The following ATP11A variants were observed in gnomAD, a reference collection of about 807,000 sequenced individuals.
The protein encoded by ATP11A is phospholipid-transporting ATPase IH.
In ATP11A, 81 loss-of-function variants were observed where a neutral mutation model predicts 154.4. The observed-to-expected ratio is 0.52, with a 90% confidence interval of 0.44 to 0.63. The LOEUF is 0.63. ATP11A is among the 30% of genes least tolerant of loss of function. The pLI is 0.00. For synonymous variants in ATP11A, 623 were observed against 585.9 expected, an observed-to-expected ratio of 1.06 and a Z score of -0.91; for missense variants, 1,316 against 1,474.3, an observed-to-expected ratio of 0.89 and a Z score of 1.76.
intron 1 of ATP11A, among the ~76,000 whole-genome samples, chr13:112,770,847 T>C (rs1220210588): frequency 6.6e-6 from 1 of 152,178 alleles, no homozygotes; most frequent in African/African-American, 2.4e-5. Flanking sequence ...CTTCTGACCA[T>C]CAAACAAGAA....
rs370697731 is a variant in ATP11A at position 112,831,512 on chromosome 13, C to G, written c.1359C>G (p.Ile453Met). Residue 453 changes from isoleucine to methionine, a missense_variant, in exon 13 of 30, where the codon ATC becomes ATG. Ile to Met is a conservative substitution (Grantham distance 10). Around this residue, in one of 5 missense-constraint regions of ATP11A, gnomAD observed 876 missense variants for 1,006.8 expected, o/e 0.87. Coordinates refer to ENST00000375645, the MANE Select transcript of ATP11A (RefSeq NM_015205.3). The stretch of plus-strand genomic sequence containing the variant: ...AGGTCCTCCCAGAGTCGTCAGGAAT[C>G]GACATGATTGACTCGTCCCCCAGCG... ...NGQVLPESSGIDMIDSSPSVN... is the reference protein window; with the variant it reads ...NGQVLPESSGMDMIDSSPSVN... The G allele has an allele frequency of 3.1e-6, 5 of 1,614,060 alleles. No homozygotes were observed. The African/African-American group carries it at 6.7e-5, about 22-fold the overall frequency.
In ATP11A at chr13:112,690,415, C is replaced by T; in HGVS notation, c.-2C>T. 2 of 1,327,940 alleles carry T rather than the reference C, an allele frequency of 1.5e-6. No individual in the cohort carries two copies. Among genetic ancestry groups the T allele is most frequent in the Admixed American group, 3.4e-5 (1 of 29,428 alleles). The allele number at this position is 1,327,940 out of a possible 1,614,324, so 82.3% of individuals were successfully genotyped here. A position where few individuals can be genotyped will look rare whatever the true frequency, so the allele number is the denominator to read the frequency against. ...GGCGGAGCGGGAGCGGCCGGAGGAGCCATGGACTGCAGCCTCGTGCGGACG... is the reference window on the plus strand; with the variant it reads ...GGCGGAGCGGGAGCGGCCGGAGGAGTCATGGACTGCAGCCTCGTGCGGACG... On this transcript the variant is annotated 5_prime_UTR_variant, in exon 1 of 30. Coordinates refer to ENST00000375645, the MANE Select transcript of ATP11A (RefSeq NM_015205.3). The surrounding 1 kb of genome is among the most constrained non-coding windows in gnomAD (Gnocchi z 5.6).
intron 1 of ATP11A, among the ~76,000 whole-genome samples, chr13:112,718,093 A>C (rs908174582): frequency 2.0e-5 from 3 of 152,152 alleles, no homozygotes; most frequent in African/African-American, 7.2e-5. Context: ...TTAATAAATA[A>C]ATAAATGATT....
intron 29 of ATP11A, chr13:112,880,897 T>A: frequency 1.0e-6 from 1 of 1,000,270 alleles, no homozygotes; most frequent in Non-Finnish European, 1.2e-6. Flanking sequence ...GCACACAGCC[T>A]GACCAGACCC....
chr13:112,740,469 G>C (rs774115764), intron 1 of ATP11A, among the ~76,000 whole-genome samples: 1 of 152,062 alleles, frequency 6.6e-6, no homozygotes, highest in African/African-American at 2.4e-5. Flanking sequence ...CTACTGTCTC[G>C]GCCCAAATCT....
At chr13:112,864,184 A>C (rs61961583) in intron 25 of ATP11A, among the ~76,000 whole-genome samples, 87 of 55,190 alleles carry the variant, frequency 1.6e-3, no homozygotes, top group East Asian at 3.5e-3. Flanking sequence ...TCAGTGCAGC[A>C]CGTGCAGCTT....
rs1277039261 is a variant in ATP11A at position 112,866,337 on chromosome 13, G to A, written c.2991+3762G>A. Among the ~76,000 whole-genome samples the A allele has an allele frequency of 2.0e-5, 3 of 152,298 alleles. No homozygotes were observed. The East Asian group carries it at 5.8e-4, about 29-fold the overall frequency. On this transcript the variant is annotated intron_variant, in intron 25 of 29. Coordinates refer to ENST00000375645, the MANE Select transcript of ATP11A (RefSeq NM_015205.3). ...CCAGAGCTAGCTCTGTGTTAGAAGGGTGTGTGCGCCTCCTGACGCACATCC... is the reference window on the plus strand; with the variant it reads ...CCAGAGCTAGCTCTGTGTTAGAAGGATGTGTGCGCCTCCTGACGCACATCC...
At chr13:112,816,297 C>T in intron 6 of ATP11A, 86 bp downstream of exon 6, 7 of 1,564,412 alleles carry the variant, frequency 4.5e-6, no homozygotes, top group Non-Finnish European at 5.2e-6. Context: ...AACTAACATC[C>T]TGTTTGAAAA....
At chr13:112,707,552 TAC>T (rs1887286920) in intron 1 of ATP11A, among the ~76,000 whole-genome samples, 1 of 152,006 alleles carries the variant, frequency 6.6e-6, no homozygotes, top group Admixed American at 6.5e-5. Flanking sequence ...CTCTTAAAAC[TAC>T]ACGAGAAGCT....
chr13:112,817,289 A>G (rs926128056), intron 6 of ATP11A, among the ~76,000 whole-genome samples: 8 of 152,208 alleles, frequency 5.3e-5, no homozygotes, highest in Non-Finnish European at 1.2e-4. Context: ...AGATAGAGAC[A>G]TTTTCTTTAC....
chr13:112,751,470 G>GC (rs1351093925), intron 1 of ATP11A, among the ~76,000 whole-genome samples: 1 of 152,088 alleles, frequency 6.6e-6, no homozygotes, highest in Non-Finnish European at 1.5e-5. Flanking sequence ...GACCAGCCTG[G>GC]CCAACATGGT....
rs1369960216 is a variant in ATP11A, at chr13:112,875,134, GT to G, written c.3162-639del. 6.6e-6 allele frequency among the ~76,000 whole-genome samples: 1 copy of G among 152,170 alleles called. No homozygotes were observed. The highest frequency in any genetic ancestry group is 2.4e-5 in the African/African-American group (1 of 41,452). On this transcript the variant is annotated intron_variant, in intron 27 of 29. Transcript: ENST00000375645. This position sits in a 1 kb window ranked among gnomAD's most constrained non-coding sequence, Gnocchi z 4.1. ...CCGTTACCCACCATGCCCTGCTTCC[GT>G]TTCCCTCCTGTTGTCCACACACCAG...
Position 112,859,890 on chromosome 13 carries a change from C to T in ATP11A, c.2728-397C>T, listed in dbSNP as rs558505414. Among the ~76,000 whole-genome samples the T allele has an allele frequency of 2.4e-4, 36 of 152,338 alleles. No homozygotes were observed. The highest frequency in any genetic ancestry group is 6.2e-4 in the South Asian group (3 of 4,826). ...CATCCGGGAGGGGTGAAGGACTCCC[C>T]GGGCATCTGCCCTAGATGGACACCT... On this transcript the variant is annotated intron_variant, in intron 23 of 29. Transcript: ENST00000375645. This position sits in a 1 kb window ranked among gnomAD's most constrained non-coding sequence, Gnocchi z 4.3.
intron 1 of ATP11A, among the ~76,000 whole-genome samples, chr13:112,751,168 C>T (rs377748): frequency 0.19 from 28,310 of 152,120 alleles, 2,922 homozygotes; most frequent in African/African-American, 0.27. Context: ...GTAAGCGCGT[C>T]TTCGTGTCCT....
In ATP11A at chr13:112,696,607, G is replaced by C. The variant is rs893040930; in HGVS notation, c.39+6152G>C. ...TCACCGTGCTCATTTTTGGCTTCCA[G>C]CTACCGTTTTTCTTAGGTTACCCCG... On this transcript the variant is annotated intron_variant, in intron 1 of 29. Coordinates refer to ENST00000375645, the MANE Select transcript of ATP11A (RefSeq NM_015205.3). This position sits in a 1 kb window ranked among gnomAD's most constrained non-coding sequence, Gnocchi z 6.2. Among the ~76,000 whole-genome samples the C allele has an allele frequency of 6.6e-6, 1 of 152,082 alleles. No homozygotes were observed. The highest frequency in any genetic ancestry group is 2.4e-5 in the African/African-American group (1 of 41,424).
At chr13:112,784,848 T>G (rs1050248388) in intron 1 of ATP11A, among the ~76,000 whole-genome samples, 3 of 152,200 alleles carry the variant, frequency 2.0e-5, no homozygotes, top group African/African-American at 7.2e-5. Flanking sequence ...GTACACGCCC[T>G]GAGCTGTTTC....
In ATP11A at chr13:112,785,384, C is replaced by T. The variant is rs2077600180; in HGVS notation, c.162+127C>T. 1 of 1,149,758 alleles carries T rather than the reference C, an allele frequency of 8.7e-7. No homozygotes were observed. The highest frequency in any genetic ancestry group is 1.1e-6 in the Non-Finnish European group (1 of 880,400). 71.2% of individuals were successfully genotyped at this position (1,149,758 alleles called of 1,614,324 possible). ...TGCTGTCACAGCCACCAGCCACCCC[C>T]AGCAAGGGCTTCGGATCAGGACCTC... On this transcript the variant is annotated intron_variant, in intron 2 of 29. Coordinates refer to ENST00000375645, the MANE Select transcript of ATP11A (RefSeq NM_015205.3). This position sits in a 1 kb window ranked among gnomAD's most constrained non-coding sequence, Gnocchi z 4.8.
intron 1 of ATP11A, among the ~76,000 whole-genome samples, chr13:112,734,815 G>A (rs1230372514): frequency 1.3e-5 from 2 of 152,142 alleles, no homozygotes; most frequent in African/African-American, 2.4e-5. Context: ...GGGGTGGCAG[G>A]TGCCTCCTCC....
intron 10 of ATP11A, 27 bp from the exon 11 acceptor site, chr13:112,825,403 G>A: frequency 6.3e-7 from 1 of 1,582,950 alleles, no homozygotes; most frequent in Non-Finnish European, 8.6e-7. Context: ...TCAGGGACCA[G>A]TGATCACCTC....
Sources: gnomAD v4.1 joint callset for allele counts (sites outside exome capture counted in the v4.1 genomes callset) on GRCh38, gnomAD v4.1.1 for gene constraint, gnomAD v4.1.1 regional missense constraint, Gnocchi (gnomAD v3.1) non-coding constraint, MANE v1.5 for transcripts, NCBI Gene and HGNC (gene_info 2026-07-23, HGNC 2026-07-21) for gene names.